The following MCPH1 variants were observed in gnomAD, a reference collection of about 807,000 sequenced individuals.
MCPH1 encodes the protein microcephalin 1, also known as microcephalin.
MCPH1 carries 104 observed loss-of-function variants against 84.5 expected under a neutral mutation model. The observed-to-expected ratio is 1.23, with a 90% CI of 1.05 to 1.45. The LOEUF is 1.45. Among genes scored for constraint, MCPH1 ranks in the 40% most tolerant of loss-of-function variants. The pLI is 0.00. For synonymous variants in MCPH1, 514 were observed against 366.8 expected (o/e 1.40, Z -4.58); for missense variants, 1,498 against 1,005.7 (o/e 1.49, Z -6.62).
At chr8:6,492,108 TC>T (rs1446131932) in intron 11 of MCPH1, among the ~76,000 whole-genome samples, 11 of 152,362 alleles carry the variant, frequency 7.2e-5, no homozygotes, top group African/African-American at 2.4e-4. Context: ...GTAAAAGTGT[TC>T]CTATTTCTCC....
At chr8:6,413,063 G>T (rs1000242423) in intron 2 of MCPH1, among the ~76,000 whole-genome samples, 3 of 152,192 alleles carry the variant, frequency 2.0e-5, no homozygotes, top group African/African-American at 7.2e-5. Flanking sequence ...AAATTATGCA[G>T]ATGAGTTCTG....
chr8:6,410,558 C>G (rs538504990), intron 2 of MCPH1, among the ~76,000 whole-genome samples: 80 of 152,230 alleles, frequency 5.3e-4, no homozygotes, highest in African/African-American at 7.7e-4. Flanking sequence ...GTTCAGGTAG[C>G]CTCTATTTGA....
chr8:6,580,242 C>A (rs536994262), intron 12 of MCPH1, among the ~76,000 whole-genome samples: 6 of 152,304 alleles, frequency 3.9e-5, no homozygotes, highest in African/African-American at 1.4e-4. Flanking sequence ...CCTGTACTCA[C>A]GAAGCCTCCA....
intron 9 of MCPH1, among the ~76,000 whole-genome samples, chr8:6,468,651 T>TG (rs1807308136): frequency 6.6e-6 from 1 of 151,692 alleles, no homozygotes; most frequent in Admixed American, 6.6e-5. Context: ...TTTTGGTTTT[T>TG]TTTTTTTTTT....
At chr8:6,575,206 A>T (rs1206851382) in intron 12 of MCPH1, among the ~76,000 whole-genome samples, 1 of 152,242 alleles carries the variant, frequency 6.6e-6, no homozygotes, top group African/African-American at 2.4e-5. Context: ...TATTTTCCTG[A>T]TTAATCTCAA....
At chr8:6,529,695 T>C (rs1819082913) in intron 12 of MCPH1, among the ~76,000 whole-genome samples, 1 of 149,266 alleles carries the variant, frequency 6.7e-6, no homozygotes, top group African/African-American at 2.5e-5. Flanking sequence ...GGACTCCTGA[T>C]CTCAAGCGAT....
chr8:6,559,109 C>T (rs56849832), intron 12 of MCPH1, among the ~76,000 whole-genome samples: 4,322 of 152,164 alleles, frequency 0.028, 225 homozygotes, highest in African/African-American at 0.1. Context: ...AGGAGGACCA[C>T]GGGAGACCAG....
intron 12 of MCPH1, among the ~76,000 whole-genome samples, chr8:6,588,544 G>A (rs186152441): frequency 3.3e-5 from 5 of 152,150 alleles, no homozygotes; most frequent in East Asian, 1.9e-4. Flanking sequence ...GTGTCCAGCC[G>A]GGCTCCTGGA....
intron 12 of MCPH1, among the ~76,000 whole-genome samples, chr8:6,515,555 C>T (rs1178741989): frequency 6.6e-6 from 1 of 152,184 alleles, no homozygotes; most frequent in Non-Finnish European, 1.5e-5. Flanking sequence ...AGAATTCTTT[C>T]TTAAGCTAAG....
In MCPH1 at chr8:6,646,944, A is replaced by T. The variant is rs568335028; in HGVS notation, c.*3895A>T. ...ACACTAAAGGCATAATTCATTAAAAAAATAAGTTGGGCTTTGTCAAAATTT... is the reference window on the plus strand; with the variant it reads ...ACACTAAAGGCATAATTCATTAAAATAATAAGTTGGGCTTTGTCAAAATTT... On this transcript the variant is annotated 3_prime_UTR_variant, in exon 14 of 14. Coordinates refer to ENST00000344683, the MANE Select transcript of MCPH1 (RefSeq NM_024596.5). The T allele has an allele frequency of 2.6e-5, 4 of 152,360 alleles. No homozygotes were observed. In the East Asian group the frequency reaches 5.8e-4, roughly 22 times the overall value. 9.4% of individuals were successfully genotyped at this position (152,360 alleles called of 1,614,324 possible). A position where few individuals can be genotyped will look rare whatever the true frequency, so the allele number is the denominator to read the frequency against.
chr8:6,578,899 C>T (rs570576432), intron 12 of MCPH1, among the ~76,000 whole-genome samples: 2 of 152,308 alleles, frequency 1.3e-5, no homozygotes, highest in East Asian at 3.9e-4. Context: ...CATGTTATTC[C>T]TGGAGCTACT....
At chr8:6,478,970 A>G (rs914555242) in intron 10 of MCPH1, among the ~76,000 whole-genome samples, 13 of 152,184 alleles carry the variant, frequency 8.5e-5, no homozygotes, top group Admixed American at 7.9e-4. Flanking sequence ...ATCACTAGAG[A>G]TAAAACTAAG....
At chr8:6,517,809 T>A (rs1197206589) in intron 12 of MCPH1, among the ~76,000 whole-genome samples, 4 of 152,214 alleles carry the variant, frequency 2.6e-5, no homozygotes, top group Non-Finnish European at 4.4e-5. Context: ...TACATCCAAG[T>A]CTGTCTATCT....
At position 6,423,313 on chromosome 8, in the gene MCPH1, C is replaced by T. The variant is rs190357313; in HGVS notation, c.234-8186C>T. 4.6e-3 allele frequency among the ~76,000 whole-genome samples: 686 copies of T among 149,596 alleles called. 30 individuals are homozygous for T. The highest frequency in any genetic ancestry group is 0.016 in the African/African-American group (656 of 40,180). On this transcript the variant is annotated intron_variant, in intron 3 of 13. Transcript: ENST00000344683. ...CTGAGTAGCTGGGACTACAGGCGCC[C>T]GCCACCACGCCTGGCTAATTTTTTT...
intron 9 of MCPH1, among the ~76,000 whole-genome samples, chr8:6,467,697 G>T (rs1438754500): frequency 2.0e-5 from 3 of 152,188 alleles, no homozygotes; most frequent in African/African-American, 7.2e-5. Context: ...CTGGGCTCAA[G>T]TGATCCCTCC....
At chr8:6,510,523 C>T (rs1356322885) in intron 12 of MCPH1, among the ~76,000 whole-genome samples, 2 of 152,154 alleles carry the variant, frequency 1.3e-5, no homozygotes, top group African/African-American at 2.4e-5. Flanking sequence ...GCTGGTCGGG[C>T]CAGGCCAGGT....
chr8:6,520,752 A>G (rs1784548271), intron 12 of MCPH1, among the ~76,000 whole-genome samples: 1 of 152,172 alleles, frequency 6.6e-6, no homozygotes, highest in Non-Finnish European at 1.5e-5. Context: ...GGAAGGCAAA[A>G]TGTGCTTAAG....
intron 12 of MCPH1, among the ~76,000 whole-genome samples, chr8:6,577,295 C>T (rs1043453318): frequency 6.6e-6 from 1 of 152,168 alleles, no homozygotes; most frequent in Non-Finnish European, 1.5e-5. Context: ...TTTCCCTTCC[C>T]GTCACCACGT....
chr8:6,509,659 A>G (rs180896344), intron 12 of MCPH1, among the ~76,000 whole-genome samples: 1 of 152,340 alleles, frequency 6.6e-6, no homozygotes, highest in East Asian at 1.9e-4. Flanking sequence ...ACTATTTACA[A>G]TACAGACGAT....
Sources: gnomAD v4.1 joint callset for allele counts (sites outside exome capture counted in the v4.1 genomes callset) on GRCh38, gnomAD v4.1.1 for gene constraint, MANE v1.5 for transcripts, NCBI Gene and HGNC (gene_info 2026-07-23, HGNC 2026-07-21) for gene names.